Variants in ANKRD30BL observed in about 807,000 individuals in gnomAD.
ANKRD30BL encodes putative ankyrin repeat domain-containing protein 30B-like.
Under a neutral mutation model 18.4 loss-of-function variants are expected in ANKRD30BL, and 20 were observed. That is an observed-to-expected ratio of 1.09 (90% CI 0.77 to 1.58). ANKRD30BL has a LOEUF of 1.58. ANKRD30BL is among the 40% of genes most tolerant of loss of function. The pLI is 0.00. For missense variants in ANKRD30BL, 224 were observed against 268.6 expected (o/e 0.83, Z 1.16); for synonymous variants, 72 against 100.9 (o/e 0.71, Z 1.72).
chr2:132,229,932 C>T (rs991752157), intron 1 of ANKRD30BL, among the ~76,000 whole-genome samples: 3 of 151,926 alleles, frequency 2.0e-5, no homozygotes, highest in African/African-American at 7.3e-5. Flanking sequence ...ATTTGGAACG[C>T]TTGGAGGCCT....
intron 1 of ANKRD30BL, among the ~76,000 whole-genome samples, chr2:132,252,020 C>G (rs181713707): frequency 2.6e-5 from 4 of 152,160 alleles, no homozygotes; most frequent in African/African-American, 9.7e-5. Flanking sequence ...CACAAAATGA[C>G]CTTGTTCCAG....
At chr2:132,215,217 C>A (rs1679465196) in intron 1 of ANKRD30BL, among the ~76,000 whole-genome samples, 1 of 152,106 alleles carries the variant, frequency 6.6e-6, no homozygotes, top group African/African-American at 2.4e-5. Context: ...TTCTGAGAAA[C>A]ATCTTTGTGA....
At chr2:132,159,610 G>A (rs981504291) in intron 1 of ANKRD30BL, among the ~76,000 whole-genome samples, 16 of 152,126 alleles carry the variant, frequency 1.1e-4, no homozygotes, top group Non-Finnish European at 1.5e-4. Context: ...TATAATTAGC[G>A]GGTTTTTTGT....
At chr2:132,173,827 A>G (rs984136159) in intron 1 of ANKRD30BL, among the ~76,000 whole-genome samples, 1 of 152,200 alleles carries the variant, frequency 6.6e-6, no homozygotes, top group African/African-American at 2.4e-5. Flanking sequence ...TACTCTGGCC[A>G]TGTAAATATC....
At chr2:132,161,356 G>T (rs940351861) in intron 1 of ANKRD30BL, 132 bp downstream of exon 1, 3 of 909,958 alleles carry the variant, frequency 3.3e-6, no homozygotes, top group African/African-American at 3.3e-5. Flanking sequence ...GGCCCAGGAC[G>T]GCCGCCCCGC....
intron 1 of ANKRD30BL, among the ~76,000 whole-genome samples, chr2:132,195,512 C>T (rs938306346): frequency 1.3e-5 from 2 of 151,732 alleles, no homozygotes; most frequent in African/African-American, 4.8e-5. Context: ...CATCCAGGGC[C>T]AGGCATGGTG....
intron 1 of ANKRD30BL, among the ~76,000 whole-genome samples, chr2:132,236,779 A>AT (rs1165467816): frequency 2.6e-5 from 4 of 152,112 alleles, no homozygotes; most frequent in Admixed American, 2.6e-4. Flanking sequence ...TACTGGGTAT[A>AT]TACCCAAAGG....
At chr2:132,220,863 C>T (rs1177464538) in intron 1 of ANKRD30BL, among the ~76,000 whole-genome samples, 1 of 151,456 alleles carries the variant, frequency 6.6e-6, no homozygotes, top group African/African-American at 2.4e-5. Context: ...CCTGGCTGCC[C>T]AGTCTGGAAA....
upstream of ANKRD30BL, among the ~76,000 whole-genome samples, chr2:132,163,214 AC>A (rs1025460570): frequency 2.0e-5 from 3 of 152,110 alleles, no homozygotes; most frequent in African/African-American, 7.2e-5. Context: ...ACTTTGGGAG[AC>A]CGAGATAGGA....
At chr2:132,237,892 C>G (rs1573877334) in intron 1 of ANKRD30BL, among the ~76,000 whole-genome samples, 1 of 151,890 alleles carries the variant, frequency 6.6e-6, no homozygotes, top group African/African-American at 2.4e-5. Flanking sequence ...TTTTGAAACA[C>G]TCTTTTTGCA....
At chr2:132,164,876 C>A (rs1437114418), upstream of ANKRD30BL, among the ~76,000 whole-genome samples, 2 of 151,972 alleles carry the variant, frequency 1.3e-5, no homozygotes, top group Non-Finnish European at 2.9e-5. Context: ...TGGGGACCAT[C>A]CTGGCTACAC....
At chr2:132,152,593 T>A (rs1476254366) in intron 4 of ANKRD30BL, 1 of 152,112 alleles carries the variant, frequency 6.6e-6, no homozygotes, top group Non-Finnish European at 1.5e-5. Flanking sequence ...TTGGGAAAGA[T>A]GACATGGGAT....
chr2:132,164,854 G>A (rs921916367), upstream of ANKRD30BL, among the ~76,000 whole-genome samples: 5 of 152,002 alleles, frequency 3.3e-5, no homozygotes, highest in South Asian at 6.2e-4. Context: ...GGCAGATCAC[G>A]AGGTCAGAAG....
chr2:132,232,327 T>C (rs555759667), intron 1 of ANKRD30BL, among the ~76,000 whole-genome samples: 2 of 152,230 alleles, frequency 1.3e-5, no homozygotes, highest in Admixed American at 1.3e-4. Flanking sequence ...GGAACAAAGC[T>C]GGATGGAGAA....
intron 1 of ANKRD30BL, among the ~76,000 whole-genome samples, chr2:132,246,563 G>C (rs1258459655): frequency 1.3e-5 from 2 of 151,434 alleles, no homozygotes; most frequent in Non-Finnish European, 2.9e-5. Context: ...GAGCAGATTG[G>C]AAACACTCTT....
intron 1 of ANKRD30BL, among the ~76,000 whole-genome samples, chr2:132,207,042 G>A (rs532569919): frequency 6.6e-6 from 1 of 152,090 alleles, no homozygotes; most frequent in East Asian, 1.9e-4. Flanking sequence ...TGCATTATGA[G>A]CTCATCTAGC....
intron 1 of ANKRD30BL, among the ~76,000 whole-genome samples, chr2:132,227,306 A>G (rs1433616175): frequency 6.6e-6 from 1 of 152,110 alleles, no homozygotes; most frequent in East Asian, 1.9e-4. Flanking sequence ...CAGTTTTGAA[A>G]CATTCTTTTT....
At chr2:132,168,901 A>G (rs1346085028) in intron 1 of ANKRD30BL, among the ~76,000 whole-genome samples, 1 of 29,562 alleles carries the variant, frequency 3.4e-5, no homozygotes, top group Non-Finnish European at 5.8e-5. Context: ...GAAAAATAAG[A>G]AAAAAAAACA....
intron 1 of ANKRD30BL, among the ~76,000 whole-genome samples, chr2:132,247,073 T>C (rs1322213418): frequency 6.6e-6 from 1 of 151,604 alleles, no homozygotes; most frequent in South Asian, 2.1e-4. Context: ...TGGAGCAGTT[T>C]TGAAACTCTC....
Sources: allele counts gnomAD v4.1 joint callset (sites outside exome capture counted in the v4.1 genomes callset), GRCh38; gene constraint gnomAD v4.1.1; transcripts MANE v1.5; gene names NCBI Gene and HGNC (gene_info 2026-07-23, HGNC 2026-07-21).